The following UGT1A7 variants were observed in gnomAD, a reference collection of about 807,000 sequenced individuals.
UGT1A7 encodes the protein UDP-glucuronosyltransferase 1A7.
UGT1A7 carries 33 observed loss-of-function variants against 45.6 expected under a neutral mutation model. The observed-to-expected ratio is 0.72, with a 90% confidence interval of 0.55 to 0.97. UGT1A7 has a LOEUF of 0.97. Among genes scored for constraint, UGT1A7 ranks in the 50% least tolerant of loss-of-function variants. UGT1A7 has a pLI of 0.00. For synonymous variants in UGT1A7, 274 were observed against 250.6 expected, an observed-to-expected ratio of 1.09 and a Z score of -0.88; for missense variants, 684 against 666.2, an observed-to-expected ratio of 1.03 and a Z score of -0.29.
intron 1 of UGT1A7, among the ~76,000 whole-genome samples, chr2:233,725,570 A>G (rs1169063809): frequency 1.3e-5 from 2 of 152,178 alleles, no homozygotes; most frequent in Admixed American, 1.3e-4. Flanking sequence ...TATATTCGAT[A>G]TAAGATTATG....
At chr2:233,733,101 G>T (rs1559378148) in intron 1 of UGT1A7, among the ~76,000 whole-genome samples, 1 of 151,784 alleles carries the variant, frequency 6.6e-6, no homozygotes, top group Non-Finnish European at 1.5e-5. Flanking sequence ...TCATGGTTTG[G>T]CTCTGTTTGT....
Position 233,689,262 on chromosome 2 carries a change from G to A in UGT1A7, c.855+6470G>A, listed in dbSNP as rs575130382. Among the ~76,000 whole-genome samples the A allele has an allele frequency of 5.8e-4, 89 of 152,272 alleles. 1 individual carries two copies. The highest frequency in any genetic ancestry group is 1.9e-3 in the African/African-American group (78 of 41,550). On this transcript the variant is annotated intron_variant, in intron 1 of 4. Coordinates refer to ENST00000373426, the MANE Select transcript of UGT1A7 (RefSeq NM_019077.3). The stretch of plus-strand genomic sequence containing the variant: ...TGTGAGTGATTCAGACTTGACTATT[G>A]TTATCATACTAAACTAAACTGGGGT...
rs1480483595 is a variant in UGT1A7, at chr2:233,682,048, C to T, written c.111C>T (p.His37=). 6.2e-7 allele frequency: 1 copy of T among 1,614,002 alleles called. No individual in the cohort carries two copies. The highest frequency in any genetic ancestry group is 8.5e-7 in the Non-Finnish European group (1 of 1,180,030). The change falls in exon 1 of 5, where the codon CAC becomes CAT. Residue 37 remains histidine, a synonymous_variant. Transcript: ENST00000373426. ...KLLVVPMDGS[H]WFTMQSVVEK... is the part of the protein sequence containing the mutation. ...TGGTAGTGCCCATGGATGGGAGCCA[C>T]TGGTTCACCATGCAGTCGGTGGTGG... is the stretch of plus-strand genomic sequence containing the variant.
At chr2:233,729,341 A>G (rs1330207927) in intron 1 of UGT1A7, 2 of 1,614,238 alleles carry the variant, frequency 1.2e-6, no homozygotes, top group Admixed American at 1.7e-5. Flanking sequence ...ATCAAAGAAG[A>G]GAACTTTTTC....
Position 233,769,424 on chromosome 2 carries a change from G to T in UGT1A7, c.1295+985G>T. 2 of 1,481,600 alleles carry T rather than the reference G, an allele frequency of 1.3e-6. No homozygotes were observed. The highest frequency in any genetic ancestry group is 1.8e-4 in the Middle Eastern group (1 of 5,630). 91.8% of individuals were successfully genotyped at this position (1,481,600 alleles called of 1,614,324 possible). Reference sequence around the variant, plus strand: ...ATGTGCGTGTGCGTTTGTGCATGTGGCTGTGCTCATGTGTGGGTGCACACG... The same window carrying T: ...ATGTGCGTGTGCGTTTGTGCATGTGTCTGTGCTCATGTGTGGGTGCACACG... On this transcript the variant is annotated intron_variant, in intron 4 of 4. Coordinates refer to ENST00000373426, the MANE Select transcript of UGT1A7 (RefSeq NM_019077.3). This position sits in a 1 kb window ranked among gnomAD's most constrained non-coding sequence, Gnocchi z 4.4.
chr2:233,713,462 C>T lies in UGT1A7; in HGVS notation c.855+30670C>T, dbSNP rs146711966. The T allele has an allele frequency of 1.6e-4, 256 of 1,614,090 alleles. 3 individuals are homozygous for T. The African/African-American group carries it at 2.8e-3, about 18-fold the overall frequency. ...TTCTAACAGACCCCTTTCACCTCTG[C>T]GCGGCGGTGCTGGCTAAGTACCTGT... On this transcript the variant is annotated intron_variant, in intron 1 of 4. Transcript: ENST00000373426.
intron 1 of UGT1A7, chr2:233,729,494 T>C (rs2077868084): frequency 6.2e-7 from 1 of 1,614,084 alleles, no homozygotes; most frequent in Non-Finnish European, 8.5e-7. Context: ...ATGTCTTTGG[T>C]CTATCATAGG....
chr2:233,690,652 C>T (rs1304778494), intron 1 of UGT1A7: 3 of 1,283,146 alleles, frequency 2.3e-6, no homozygotes, highest in Admixed American at 4.7e-5. Flanking sequence ...TTGACTCCTA[C>T]AGCACCAACC....
intron 1 of UGT1A7, among the ~76,000 whole-genome samples, chr2:233,707,415 G>A (rs183543704): frequency 6.4e-4 from 97 of 151,948 alleles, no homozygotes; most frequent in East Asian, 3.1e-3. Context: ...TCTCTCCCTC[G>A]ACTATTTCTT....
intron 1 of UGT1A7, among the ~76,000 whole-genome samples, chr2:233,740,158 G>A (rs2125827659): frequency 6.6e-6 from 1 of 151,948 alleles, no homozygotes; most frequent in East Asian, 1.9e-4. Flanking sequence ...GGCCTCCCCA[G>A]TCATGTGGAA....
chr2:233,692,893 G>A (rs2075118799), intron 1 of UGT1A7: 3 of 1,527,424 alleles, frequency 2.0e-6, no homozygotes, highest in East Asian at 4.5e-5. Context: ...GCAAGGGAGA[G>A]GTAGACAGGA....
intron 1 of UGT1A7, among the ~76,000 whole-genome samples, chr2:233,695,869 A>C (rs1462453921): frequency 6.6e-6 from 1 of 152,204 alleles, no homozygotes; most frequent in Non-Finnish European, 1.5e-5. Flanking sequence ...AACAACAAAC[A>C]ACGCAGAAAA....
At position 233,682,094 on chromosome 2, in the gene UGT1A7, C is replaced by T. The variant is rs1325065140; in HGVS notation, c.157C>T (p.His53Tyr). The T allele has an allele frequency of 1.9e-6, 3 of 1,614,112 alleles. No homozygotes were observed. Among genetic ancestry groups the T allele is most frequent in the East Asian group, 2.2e-5 (1 of 44,876 alleles). The change falls in exon 1 of 5, where the codon CAT (histidine) becomes TAT (tyrosine). Residue 53 changes from histidine (H) to tyrosine (Y), a missense_variant. By Grantham distance (83) the His-to-Tyr change is moderately conservative. Transcript: ENST00000373426. ...SVVEKLILRG[H>Y]EVVVVMPEVS... is the part of the protein sequence containing the mutation. ...GGTGGAGAAACTCATCCTCAGGGGG[C>T]ATGAGGTGGTCGTAGTCATGCCAGA...
chr2:233,760,326 G>T, intron 1 of UGT1A7: 1 of 1,614,028 alleles, frequency 6.2e-7, no homozygotes, highest in Non-Finnish European at 8.5e-7. Flanking sequence ...CACTTGTCCT[G>T]GGCCTGCTGC....
chr2:233,768,067 T>C, intron 3 of UGT1A7, 131 bp downstream of exon 3: 1 of 1,596,454 alleles, frequency 6.3e-7, no homozygotes, highest in Non-Finnish European at 8.5e-7. Context: ...GCTTTTTATC[T>C]AGTGGGGTAT....
At chr2:233,716,884 C>G (rs1681391448) in intron 1 of UGT1A7, among the ~76,000 whole-genome samples, 2 of 152,140 alleles carry the variant, frequency 1.3e-5, no homozygotes, top group African/African-American at 4.8e-5. Flanking sequence ...CTGTGCAGCC[C>G]AGACCCCTCC....
chr2:233,703,901 T>A (rs1235763751), intron 1 of UGT1A7, among the ~76,000 whole-genome samples: 1 of 152,040 alleles, frequency 6.6e-6, no homozygotes, highest in Non-Finnish European at 1.5e-5. Flanking sequence ...TTCTTTTCTT[T>A]TTTTTTTGAG....
intron 1 of UGT1A7, among the ~76,000 whole-genome samples, chr2:233,756,740 T>G (rs1165580582): frequency 6.6e-6 from 1 of 152,136 alleles, no homozygotes; most frequent in Non-Finnish European, 1.5e-5. Flanking sequence ...CTTCACCTCC[T>G]CCTTATTCTC....
At chr2:233,767,557 A>T (rs1326984430) in intron 2 of UGT1A7, among the ~76,000 whole-genome samples, 2 of 152,218 alleles carry the variant, frequency 1.3e-5, no homozygotes, top group African/African-American at 4.8e-5. Flanking sequence ...TTCTGCATCC[A>T]CTTGTTTCAT....
Sources: allele counts gnomAD v4.1 joint callset (sites outside exome capture counted in the v4.1 genomes callset), GRCh38; gene constraint gnomAD v4.1.1; non-coding constraint Gnocchi (gnomAD v3.1); transcripts MANE v1.5; gene names NCBI Gene and HGNC (gene_info 2026-07-23, HGNC 2026-07-21).